Variants in CTNNA3 observed in about 807,000 individuals in gnomAD.
The protein encoded by CTNNA3 is catenin alpha 3.
CTNNA3 carries 76 observed loss-of-function variants against 95.7 expected under a neutral mutation model. The ratio of observed to expected loss-of-function variants is 0.79; its 90% CI spans 0.66 to 0.96. The LOEUF is 0.96. Among genes scored for constraint, CTNNA3 ranks in the 40% least tolerant of loss-of-function variants. The probability of loss-of-function intolerance (pLI) is 0.00; values close to 1 mark genes in which losing one functional copy is unlikely to be tolerated. For synonymous variants in CTNNA3, 431 were observed against 374.4 expected, an observed-to-expected ratio of 1.15 and a Z score of -1.74; for missense variants, 1,191 against 1,089.8, an observed-to-expected ratio of 1.09 and a Z score of -1.31.
At chr10:66,005,358 A>G (rs2078858455) in intron 15 of CTNNA3, among the ~76,000 whole-genome samples, 1 of 152,056 alleles carries the variant, frequency 6.6e-6, no homozygotes, top group Non-Finnish European at 1.5e-5. Context: ...CTGCATTTAA[A>G]TCAAAGCAGT....
At chr10:67,171,534 A>G (rs1046766177) in intron 7 of CTNNA3, among the ~76,000 whole-genome samples, 28 of 151,802 alleles carry the variant, frequency 1.8e-4, no homozygotes, top group African/African-American at 5.8e-4. Context: ...AGATCACACC[A>G]TTGCACTCCA....
chr10:67,170,743 C>A (rs1861982852), intron 7 of CTNNA3, among the ~76,000 whole-genome samples: 1 of 152,108 alleles, frequency 6.6e-6, no homozygotes, highest in Non-Finnish European at 1.5e-5. Context: ...ATGTAATAAA[C>A]CTTCACATGT....
At chr10:66,603,715 C>T (rs2132265042) in intron 10 of CTNNA3, among the ~76,000 whole-genome samples, 1 of 152,074 alleles carries the variant, frequency 6.6e-6, no homozygotes, top group South Asian at 2.1e-4. Flanking sequence ...CAGTATGGTA[C>T]TAGCATGAAA....
chr10:66,081,360 C>T (rs1303455341), intron 14 of CTNNA3, among the ~76,000 whole-genome samples: 1 of 152,016 alleles, frequency 6.6e-6, no homozygotes, highest in African/African-American at 2.4e-5. Context: ...GGCTGTAATT[C>T]CAATACTTTC....
intron 6 of CTNNA3, among the ~76,000 whole-genome samples, chr10:67,208,423 T>G (rs1228921030): frequency 6.6e-6 from 1 of 150,566 alleles, no homozygotes; most frequent in African/African-American, 2.4e-5. Context: ...ACTGGTATTC[T>G]TGGAAATTTA....
chr10:66,083,966 T>C, intron 14 of CTNNA3, among the ~76,000 whole-genome samples: 1 of 151,676 alleles, frequency 6.6e-6, no homozygotes, highest in Non-Finnish European at 1.5e-5. Context: ...AGAAACCCCA[T>C]CTCTACTAAA....
chr10:66,556,743 T>C (rs765028532), intron 10 of CTNNA3, among the ~76,000 whole-genome samples: 3 of 152,044 alleles, frequency 2.0e-5, no homozygotes, highest in East Asian at 3.9e-4. Context: ...TAGAGGAACA[T>C]TGGTCAAAGG....
At chr10:66,566,375 T>C (rs958827763) in intron 10 of CTNNA3, among the ~76,000 whole-genome samples, 3 of 152,126 alleles carry the variant, frequency 2.0e-5, no homozygotes, top group Non-Finnish European at 2.9e-5. Context: ...ATAAAACTGC[T>C]TGAAATTTAA....
intron 9 of CTNNA3, among the ~76,000 whole-genome samples, chr10:66,625,330 G>A (rs1844896364): frequency 6.6e-6 from 1 of 152,016 alleles, no homozygotes; most frequent in Admixed American, 6.6e-5. Context: ...CAATTCCTCA[G>A]CTGAACAATC....
chr10:66,719,300 A>G (rs1230598760), intron 9 of CTNNA3, among the ~76,000 whole-genome samples: 2 of 152,204 alleles, frequency 1.3e-5, no homozygotes, highest in South Asian at 2.1e-4. Context: ...CAATAGACAC[A>G]TACAGAGTAT....
intron 9 of CTNNA3, among the ~76,000 whole-genome samples, chr10:66,736,922 A>C (rs1849163426): frequency 6.6e-6 from 1 of 152,168 alleles, no homozygotes; most frequent in African/African-American, 2.4e-5. Context: ...TAACACTTTA[A>C]ATGTTTTAAA....
chr10:66,686,791 A>T (rs6480199), intron 9 of CTNNA3, among the ~76,000 whole-genome samples: 82,962 of 151,434 alleles, frequency 0.55, 23,334 homozygotes, highest in African/African-American at 0.67. Context: ...CCAAATAAGG[A>T]CAATACCATT....
intron 11 of CTNNA3, among the ~76,000 whole-genome samples, chr10:66,431,890 A>G (rs2093299842): frequency 6.6e-6 from 1 of 151,966 alleles, no homozygotes; most frequent in Admixed American, 6.6e-5. Flanking sequence ...TAGAACTTAA[A>G]GTATAATAAA....
At chr10:67,344,500 T>C (rs1458116070) in intron 5 of CTNNA3, among the ~76,000 whole-genome samples, 1 of 152,130 alleles carries the variant, frequency 6.6e-6, no homozygotes, top group Non-Finnish European at 1.5e-5. Context: ...ACTAGGAGAC[T>C]TTTACTACAG....
chr10:66,048,148 A>C (rs2079869337), intron 15 of CTNNA3, among the ~76,000 whole-genome samples: 1 of 152,218 alleles, frequency 6.6e-6, no homozygotes, highest in Non-Finnish European at 1.5e-5. Flanking sequence ...TATGGAACCA[A>C]AAAGAGTCTG....
rs1564548218 is a variant in CTNNA3 at position 67,302,010 on chromosome 10, A to AAAGAAC, written c.580-82141_580-82140insGTTCTT. Among the ~76,000 whole-genome samples the AAAGAAC allele has an allele frequency of 8.3e-3, 129 of 15,564 alleles. 31 individuals carry two copies. Among genetic ancestry groups the AAAGAAC allele is most frequent in the African/African-American group, 0.042 (107 of 2,568 alleles). The allele number at this position is 15,564 out of a possible 152,430, so 10.2% of individuals were successfully genotyped here. On this transcript the variant is annotated intron_variant, in intron 5 of 17. Coordinates refer to ENST00000433211, the MANE Select transcript of CTNNA3 (RefSeq NM_013266.4). ...AAGAAAGAACGAAAGAACGAAAGAAAGAAAGAAAGAAAGAAAGAAAGAAAG... is the reference window on the plus strand; with the variant it reads ...AAGAAAGAACGAAAGAACGAAAGAAAAAGAACGAAAGAAAGAAAGAAAGAAAGAAAG...
In CTNNA3 at chr10:66,892,892, TAAGA is replaced by T. The variant is rs1425524354; in HGVS notation, c.1048-117372_1048-117369del. On this transcript the variant is annotated intron_variant, in intron 7 of 17. Coordinates refer to ENST00000433211, the MANE Select transcript of CTNNA3 (RefSeq NM_013266.4). ...GCACATAGTCAAGAAAGAAGGTGAC[TAAGA>T]GTACACTGGTAACCATTTTGAATAA... Among the ~76,000 whole-genome samples, 6 of 152,242 alleles carry T rather than the reference TAAGA, an allele frequency of 3.9e-5. No individual in the cohort carries two copies. In the East Asian group the frequency reaches 1.2e-3, roughly 29 times the overall value.
At chr10:67,756,181 T>C (rs768671626) in intron 1 of CTNNA3, among the ~76,000 whole-genome samples, 1 of 152,128 alleles carries the variant, frequency 6.6e-6, no homozygotes, top group African/African-American at 2.4e-5. Context: ...AACAGGGAGA[T>C]GAAAAGAAGT....
intron 5 of CTNNA3, among the ~76,000 whole-genome samples, chr10:67,225,758 C>A (rs1864879911): frequency 6.6e-6 from 1 of 152,054 alleles, no homozygotes; most frequent in Non-Finnish European, 1.5e-5. Context: ...TCTAACAGAG[C>A]CTACACAAAT....
Sources: gnomAD v4.1 joint callset for allele counts (sites outside exome capture counted in the v4.1 genomes callset) on GRCh38, gnomAD v4.1.1 for gene constraint, MANE v1.5 for transcripts, NCBI Gene and HGNC (gene_info 2026-07-23, HGNC 2026-07-21) for gene names.